The following FLACC1 variants were observed in gnomAD, a reference collection of about 807,000 sequenced individuals.
The protein encoded by FLACC1 is flagellum-associated coiled-coil domain-containing protein 1.
A neutral mutation model predicts 62.8 loss-of-function variants in FLACC1; 66 were observed. That is an observed-to-expected ratio of 1.05 (90% CI 0.86 to 1.29). The LOEUF (loss-of-function observed/expected upper bound fraction) is 1.29, where lower values mean the gene tolerates loss of function less well. FLACC1 is among the 50% of genes most tolerant of loss of function. The probability of loss-of-function intolerance (pLI) is 0.00; values close to 1 mark genes in which losing one functional copy is unlikely to be tolerated. For missense variants in FLACC1, 452 were observed against 489.1 expected (o/e 0.92, Z 0.71); for synonymous variants, 156 against 161.0 (o/e 0.97, Z 0.24).
chr2:201,360,866 T>C (rs1951180533), upstream of FLACC1, among the ~76,000 whole-genome samples: 1 of 152,126 alleles, frequency 6.6e-6, no homozygotes, highest in Admixed American at 6.5e-5. Context: ...TCAACTGAGG[T>C]CAGGAGTTTA....
rs1279441032 is a variant in FLACC1 at position 201,326,874 on chromosome 2, T to C, written c.675+3596A>G. On this transcript the variant is annotated intron_variant, in intron 9 of 14. Coordinates refer to ENST00000392257, the MANE Select transcript of FLACC1 (RefSeq NM_001127391.3). The surrounding 1 kb of genome is among the most constrained non-coding windows in gnomAD (Gnocchi z 4.1). ...AGAGCCAGAATAGCCAAAGCAATAC[T>C]AAGCAAAAAGAACAAATCTGGAGGT... Among the ~76,000 whole-genome samples the C allele has an allele frequency of 1.3e-5, 2 of 152,164 alleles. No homozygotes were observed. The highest frequency in any genetic ancestry group is 3.8e-4 in the East Asian group (2 of 5,198).
At chr2:201,311,832 T>A (rs964985924) in intron 9 of FLACC1, among the ~76,000 whole-genome samples, 1 of 152,056 alleles carries the variant, frequency 6.6e-6, no homozygotes, top group Non-Finnish European at 1.5e-5. Flanking sequence ...AAAACCCATA[T>A]GATCATCTCA....
chr2:201,344,370 G>C, intron 5 of FLACC1, 107 bp from the exon 6 acceptor site: 1 of 893,336 alleles, frequency 1.1e-6, no homozygotes, highest in Non-Finnish European at 1.8e-6. Context: ...CCTGGTGAGA[G>C]CTGGCCATGT....
intron 11 of FLACC1, among the ~76,000 whole-genome samples, chr2:201,300,826 C>T: frequency 6.6e-6 from 1 of 152,154 alleles, no homozygotes; most frequent in Non-Finnish European, 1.5e-5. Flanking sequence ...CTGGAGTGGA[C>T]CTCCAGCAAA....
chr2:201,319,937 G>A (rs1158830487), intron 9 of FLACC1, among the ~76,000 whole-genome samples: 2 of 152,240 alleles, frequency 1.3e-5, no homozygotes, highest in African/African-American at 2.4e-5. Flanking sequence ...GCAAAGGGCT[G>A]TGAGTTCCCA....
intron 1 of FLACC1, among the ~76,000 whole-genome samples, chr2:201,354,934 C>T (rs1217469623): frequency 2.0e-5 from 3 of 152,170 alleles, no homozygotes; most frequent in African/African-American, 7.2e-5. Flanking sequence ...ATATTTCTTA[C>T]CTGACTAGTA....
chr2:201,347,974 C>T (rs1950951151), intron 4 of FLACC1: 1 of 268,214 alleles, frequency 3.7e-6, no homozygotes, highest in African/African-American at 2.3e-5. Flanking sequence ...CTGGCCTGGA[C>T]TAGCTGTCAT....
In FLACC1 at chr2:201,330,802, T is replaced by G; in HGVS notation, c.556A>C (p.Ser186Arg). 1 of 1,613,718 alleles carries G rather than the reference T, an allele frequency of 6.2e-7. No homozygotes were observed. The highest frequency in any genetic ancestry group is 8.5e-7 in the Non-Finnish European group (1 of 1,179,988). ...ELKEAHEAEL[S>R]ELENNYKAAL... ...GCTTTGTAGTTGTTCTCCAACTCAC[T>G]GAGTTCTGCTTCATGGGCCTCTTTG... is the stretch of plus-strand genomic sequence containing the variant. Residue 186 changes from serine to arginine, a missense_variant, in exon 8 of 15, where the codon AGT (serine) becomes CGT (arginine). Coordinates refer to ENST00000392257, the MANE Select transcript of FLACC1 (RefSeq NM_001127391.3).
At chr2:201,348,152 A>C in intron 4 of FLACC1, 102 bp downstream of exon 4, 1 of 1,185,578 alleles carries the variant, frequency 8.4e-7, no homozygotes, top group Non-Finnish European at 1.2e-6. Flanking sequence ...GATCTTTGTG[A>C]AGATTCGACA....
At chr2:201,288,903 T>G in intron 14 of FLACC1, 122 bp from the exon 15 acceptor site, 2 of 1,154,598 alleles carry the variant, frequency 1.7e-6, no homozygotes, top group Non-Finnish European at 2.4e-6. Flanking sequence ...TCTCACTCAT[T>G]ACTTGCAGTG....
At position 201,348,437 on chromosome 2, in the gene FLACC1, T is replaced by C. The variant is rs181374183; in HGVS notation, c.186-135A>G. On this transcript the variant is annotated intron_variant, in intron 3 of 14. Coordinates refer to ENST00000392257, the MANE Select transcript of FLACC1 (RefSeq NM_001127391.3). ...CCTTCTTAGGGGATCCCTAGGATAG[T>C]TGGGGAACTCACTGAAGCCGGGCTC... 4.9e-3 allele frequency: 4,154 copies of C among 852,414 alleles called. 16 individuals carry two copies. Among genetic ancestry groups the C allele is most frequent in the Middle Eastern group, 6.4e-3 (24 of 3,770 alleles). The allele number at this position is 852,414 out of a possible 1,614,324, so 52.8% of individuals were successfully genotyped here. A position where few individuals can be genotyped will look rare whatever the true frequency, so the allele number is the denominator to read the frequency against.
At chr2:201,306,014 C>T (rs1295813255) in intron 11 of FLACC1, among the ~76,000 whole-genome samples, 1 of 151,424 alleles carries the variant, frequency 6.6e-6, no homozygotes, top group Non-Finnish European at 1.5e-5. Flanking sequence ...AGCACACCAA[C>T]ATGGCACATG....
At chr2:201,316,064 G>C (rs1414379337) in intron 9 of FLACC1, among the ~76,000 whole-genome samples, 2 of 152,068 alleles carry the variant, frequency 1.3e-5, no homozygotes, top group African/African-American at 2.4e-5. Flanking sequence ...GCAGTGCAAA[G>C]AGGAAAGCTA....
At chr2:201,363,228 G>C in the FLACC1 span, among the ~76,000 whole-genome samples, 1 of 152,014 alleles carries the variant, frequency 6.6e-6, no homozygotes, top group East Asian at 1.9e-4. Context: ...GGTATCTGGA[G>C]CACCCCCTTC....
chr2:201,345,175 T>C (rs1950886910), intron 5 of FLACC1, among the ~76,000 whole-genome samples: 1 of 152,194 alleles, frequency 6.6e-6, no homozygotes, highest in Non-Finnish European at 1.5e-5. Context: ...TATAGGTGCA[T>C]GACCCATTCT....
chr2:201,309,925 A>AAAAG lies in FLACC1; in HGVS notation c.676-676_676-675insCTTT, dbSNP rs764506462. 8.7e-3 allele frequency among the ~76,000 whole-genome samples: 859 copies of AAAAG among 99,122 alleles called. 35 individuals carry two copies. Among genetic ancestry groups the AAAAG allele is most frequent in the African/African-American group, 0.024 (787 of 32,350 alleles). 65.0% of individuals were successfully genotyped at this position (99,122 alleles called of 152,430 possible). A position where few individuals can be genotyped will look rare whatever the true frequency, so the allele number is the denominator to read the frequency against. ...TGTCTCAAAAAAAAAAAAAAAAAAA[A>AAAAG]AAGAAGAAGAAAGGAAATACCTAGT... On this transcript the variant is annotated intron_variant, in intron 9 of 14. Coordinates refer to ENST00000392257, the MANE Select transcript of FLACC1 (RefSeq NM_001127391.3).
At chr2:201,303,046 C>CA (rs200137724) in intron 11 of FLACC1, among the ~76,000 whole-genome samples, 14,908 of 152,060 alleles carry the variant, frequency 0.098, 817 homozygotes, top group Non-Finnish European at 0.13. Flanking sequence ...CAAACACATT[C>CA]AAAAGCTAGC....
intron 11 of FLACC1, among the ~76,000 whole-genome samples, chr2:201,302,856 G>C (rs1950015445): frequency 6.6e-6 from 1 of 152,180 alleles, no homozygotes; most frequent in Non-Finnish European, 1.5e-5. Context: ...AATGAAGGCA[G>C]AAATAAAGAT....
At chr2:201,323,479 T>TGTATCCTGTAAAGCTAG (rs1559403426) in intron 9 of FLACC1, among the ~76,000 whole-genome samples, 3 of 152,220 alleles carry the variant, frequency 2.0e-5, no homozygotes, top group Non-Finnish European at 4.4e-5. Context: ...CCAAGAATTC[T>TGTATCCTGTAAAGCTAG]GTATCCTGTA....
Sources: allele counts gnomAD v4.1 joint callset (sites outside exome capture counted in the v4.1 genomes callset), GRCh38; gene constraint gnomAD v4.1.1; non-coding constraint Gnocchi (gnomAD v3.1); transcripts MANE v1.5; gene names NCBI Gene and HGNC (gene_info 2026-07-23, HGNC 2026-07-21).